The following PDGFRA variants were observed in gnomAD, a reference collection of about 807,000 sequenced individuals.
The protein encoded by PDGFRA is platelet derived growth factor receptor alpha.
Under a neutral mutation model 121.5 loss-of-function variants are expected in PDGFRA, and 25 were observed. That is an observed-to-expected ratio of 0.21 (90% CI 0.15 to 0.29). The LOEUF is 0.29. PDGFRA is among the 10% of genes least tolerant of loss of function. The probability of loss-of-function intolerance (pLI) is 1.00; values close to 1 mark genes in which losing one functional copy is unlikely to be tolerated. For synonymous variants in PDGFRA, 463 were observed against 494.8 expected (o/e 0.94, Z 0.85); for missense variants, 1,008 against 1,345.1 (o/e 0.75, Z 3.92).
chr4:54,236,415 A>T (rs1721011975), intron 1 of PDGFRA, among the ~76,000 whole-genome samples: 1 of 152,172 alleles, frequency 6.6e-6, no homozygotes, highest in Non-Finnish European at 1.5e-5. Flanking sequence ...GAAATTCCCC[A>T]TGTTTCCCAT....
In PDGFRA at chr4:54,284,399, A is replaced by C. The variant is rs144705014; in HGVS notation, c.2324-972A>C. On this transcript the variant is annotated intron_variant, in intron 16 of 22. Coordinates refer to ENST00000257290, the MANE Select transcript of PDGFRA (RefSeq NM_006206.6). ...TTGCATTGCTATAAAGAAATACCTG[A>C]GACTGAGTAATTTATAAAGAAAAGA... 3.1e-3 allele frequency among the ~76,000 whole-genome samples: 467 copies of C among 152,230 alleles called. 4 individuals are homozygous for C. Among genetic ancestry groups the C allele is most frequent in the African/African-American group, 0.011 (443 of 41,528 alleles).
chr4:54,240,238 G>A (rs376214990), intron 1 of PDGFRA: 12 of 176,364 alleles, frequency 6.8e-5, no homozygotes, highest in Admixed American at 5.2e-4. Context: ...CTTTGCCTTG[G>A]CTATTTGGCA....
Position 54,290,374 on chromosome 4 carries a change from G to A in PDGFRA, c.2942G>A (p.Arg981His), listed in dbSNP as rs368266633. 4.8e-5 allele frequency: 77 copies of A among 1,612,498 alleles called. No individual in the cohort carries two copies. In the East Asian group the frequency reaches 6.9e-4, roughly 14 times the overall value. The change falls in exon 22 of 23, where the codon CGT becomes CAT. Residue 981 changes from arginine (R) to histidine (H), a missense_variant. Arg to His is a conservative substitution (Grantham distance 29). Transcript: ENST00000257290. Reference protein sequence around the residue: ...KSDHPAVARMRVDSDNAYIGV... With the variant: ...KSDHPAVARMHVDSDNAYIGV... ...GACCATCCTGCTGTGGCACGCATGCGTGTGGACTCAGACAATGCATACATT... is the reference window on the plus strand; with the variant it reads ...GACCATCCTGCTGTGGCACGCATGCATGTGGACTCAGACAATGCATACATT...
chr4:54,274,119 C>G (rs1723571316), intron 10 of PDGFRA, among the ~76,000 whole-genome samples: 1 of 152,086 alleles, frequency 6.6e-6, no homozygotes, highest in African/African-American at 2.4e-5. Flanking sequence ...TCTCATTGCT[C>G]CTTAAAAGAT....
Position 54,280,350 on chromosome 4 carries a change from T to G in PDGFRA, c.2191T>G (p.Tyr731Asp). ...VILSFENNGD[Y>D]MDMKQADTTQ... is the part of the protein sequence containing the mutation. ...TTTATCTTTTGAAAACAATGGTGACTACATGGACATGAAGCAGGCTGATAC... is the reference window on the plus strand; with the variant it reads ...TTTATCTTTTGAAAACAATGGTGACGACATGGACATGAAGCAGGCTGATAC... Residue 731 changes from tyrosine to aspartate, a missense_variant, in exon 16 of 23, where the codon TAC becomes GAC. Transcript: ENST00000257290. The G allele has an allele frequency of 6.2e-7, 1 of 1,613,650 alleles. No homozygotes were observed. Among genetic ancestry groups the G allele is most frequent in the Non-Finnish European group, 8.5e-7 (1 of 1,179,522 alleles).
rs759438471 is a variant in PDGFRA at position 54,267,534 on chromosome 4, AAAC to A, written c.932-17_932-15del. ...ATATGTGGTAATCATTATTTAATGG[AAAC>A]TCTTCCCTGTACAGAGAAAGGTTTC... On this transcript the variant is annotated splice_polypyrimidine_tract_variant and intron_variant, in intron 6 of 22. Coordinates refer to ENST00000257290, the MANE Select transcript of PDGFRA (RefSeq NM_006206.6). 12 of 1,614,090 alleles carry A rather than the reference AAAC, an allele frequency of 7.4e-6. No individual in the cohort carries two copies. The highest frequency in any genetic ancestry group is 1.0e-5 in the Non-Finnish European group (12 of 1,179,974).
intron 4 of PDGFRA, chr4:54,264,362 T>C (rs1422365959): frequency 3.7e-6 from 1 of 268,942 alleles, no homozygotes. Flanking sequence ...GGAAGTATAA[T>C]ACATGCTGAG....
intron 22 of PDGFRA, among the ~76,000 whole-genome samples, chr4:54,291,049 C>T (rs1724610230): frequency 6.6e-6 from 1 of 152,150 alleles, no homozygotes; most frequent in South Asian, 2.1e-4. Flanking sequence ...GGGTGGTGGC[C>T]AACTGCTCCC....
Position 54,267,850 on chromosome 4 carries a change from A to G in PDGFRA, c.1121+109A>G, listed in dbSNP as rs1359354522. On this transcript the variant is annotated intron_variant, in intron 7 of 22. Transcript: ENST00000257290. ...ACCCAAAGTCAGTCTAGAAAATGTA[A>G]CAATCTGAGTTAAGAGATGCTTGAA... is the stretch of plus-strand genomic sequence containing the variant. 7.0e-6 allele frequency: 6 copies of G among 851,390 alleles called. No individual in the cohort carries two copies. In the East Asian group the frequency reaches 7.8e-5, roughly 11 times the overall value. 52.7% of individuals were successfully genotyped at this position (851,390 alleles called of 1,614,324 possible). A position where few individuals can be genotyped will look rare whatever the true frequency, so the allele number is the denominator to read the frequency against.
At chr4:54,269,536 A>G (rs1008433496) in intron 7 of PDGFRA, among the ~76,000 whole-genome samples, 1 of 148,906 alleles carries the variant, frequency 6.7e-6, no homozygotes. Flanking sequence ...CACACACACA[A>G]CCAGATGTCA....
At chr4:54,238,724 G>T (rs1396931817) in intron 1 of PDGFRA, among the ~76,000 whole-genome samples, 1 of 152,194 alleles carries the variant, frequency 6.6e-6, no homozygotes, top group African/African-American at 2.4e-5. Flanking sequence ...ATAGTACTTT[G>T]GGAGGCCAAG....
chr4:54,286,506 A>C (rs914883854), intron 18 of PDGFRA, among the ~76,000 whole-genome samples: 1 of 151,758 alleles, frequency 6.6e-6, no homozygotes, highest in South Asian at 2.1e-4. Context: ...ACAGGCATGC[A>C]CCACCATGTT....
intron 1 of PDGFRA, among the ~76,000 whole-genome samples, chr4:54,254,758 G>T (rs546609085): frequency 3.3e-5 from 5 of 152,136 alleles, no homozygotes; most frequent in Non-Finnish European, 5.9e-5. Flanking sequence ...AATCAGGCTG[G>T]CCAGCCTGGC....
chr4:54,290,542 G>A lies in PDGFRA; in HGVS notation c.3110G>A (p.Arg1037Lys), dbSNP rs747082676. The change falls in exon 22 of 23, where the codon AGG becomes AAG. Residue 1037 changes from arginine to lysine, a missense_variant. Around this residue, in one of 5 missense-constraint regions of PDGFRA, gnomAD observed 204 missense variants for 243.0 expected, o/e 0.84. Transcript: ENST00000257290. ...CCTGAGGAGGAGGACCTGGGCAAGA[G>A]GAACAGACACAGGTAGCTGTGGGGG... is the stretch of plus-strand genomic sequence containing the variant. ...PVPEEEDLGK[R>K]NRHSSQTSEE... is the part of the protein sequence containing the mutation. The A allele has an allele frequency of 1.9e-6, 3 of 1,614,084 alleles. No homozygotes were observed. The highest frequency in any genetic ancestry group is 1.1e-5 in the South Asian group (1 of 91,078).
At chr4:54,266,553 G>C (rs1229816123) in intron 5 of PDGFRA, among the ~76,000 whole-genome samples, 3 of 151,908 alleles carry the variant, frequency 2.0e-5, no homozygotes, top group African/African-American at 7.3e-5. Context: ...GCTTGACTGA[G>C]ATAAAGCTCT....
chr4:54,259,095 T>C (rs1237951430), intron 2 of PDGFRA, among the ~76,000 whole-genome samples: 1 of 152,226 alleles, frequency 6.6e-6, no homozygotes, highest in South Asian at 2.1e-4. Flanking sequence ...TAAATTTACT[T>C]ACTACTCTCT....
At chr4:54,270,997 T>A (rs1723321794) in intron 8 of PDGFRA, among the ~76,000 whole-genome samples, 1 of 152,162 alleles carries the variant, frequency 6.6e-6, no homozygotes, top group Non-Finnish European at 1.5e-5. Context: ...TTTGTAGAGA[T>A]GGAGTCTTGC....
chr4:54,285,468 G>T lies in PDGFRA; in HGVS notation c.2421G>T (p.Glu807Asp). 1 of 1,522,110 alleles carries T rather than the reference G, an allele frequency of 6.6e-7. No individual in the cohort carries two copies. Among genetic ancestry groups the T allele is most frequent in the Non-Finnish European group, 9.1e-7 (1 of 1,095,954 alleles). The allele number at this position is 1,522,110 out of a possible 1,614,324, so 94.3% of individuals were successfully genotyped here. A position where few individuals can be genotyped will look rare whatever the true frequency, so the allele number is the denominator to read the frequency against. The change falls in exon 17 of 23, where the codon GAG becomes GAT. Residue 807 changes from glutamate (E) to aspartate (D), a missense_variant. Physicochemically the swap from Glu to Asp is conservative, Grantham distance 45. Around this residue, in one of 5 missense-constraint regions of PDGFRA, gnomAD observed 40 missense variants for 127.4 expected, o/e 0.31. Transcript: ENST00000257290. Reference protein sequence around the residue: ...SFTYQVARGMEFLASKNCVHR... With the variant: ...SFTYQVARGMDFLASKNCVHR... ...CCTATCAAGTTGCCCGAGGAATGGA[G>T]TTTTTGGCTTCAAAAAATGTAAGTT... is the stretch of plus-strand genomic sequence containing the variant.
chr4:54,275,318 G>T (rs1405010343), intron 12 of PDGFRA, among the ~76,000 whole-genome samples: 1 of 152,178 alleles, frequency 6.6e-6, no homozygotes, highest in Admixed American at 6.5e-5. Flanking sequence ...GATGAGAAAT[G>T]AATGAGGACA....
Sources: allele counts gnomAD v4.1 joint callset (sites outside exome capture counted in the v4.1 genomes callset), GRCh38; gene constraint gnomAD v4.1.1; regional missense constraint gnomAD v4.1.1; transcripts MANE v1.5; gene names NCBI Gene and HGNC (gene_info 2026-07-23, HGNC 2026-07-21).